Variants in TPD52 observed in about 807,000 individuals in gnomAD.
TPD52 encodes the protein prostate and colon associated protein.
A neutral mutation model predicts 31.3 loss-of-function variants in TPD52; 17 were observed. The ratio of observed to expected loss-of-function variants is 0.54; its 90% CI spans 0.37 to 0.82. The LOEUF (loss-of-function observed/expected upper bound fraction) is 0.82, where lower values mean the gene tolerates loss of function less well. Among genes scored for constraint, TPD52 ranks in the 40% least tolerant of loss-of-function variants. TPD52 has a pLI of 0.00. For missense variants in TPD52, 212 were observed against 240.1 expected, an observed-to-expected ratio of 0.88 and a Z score of 0.77; for synonymous variants, 83 against 89.6, an observed-to-expected ratio of 0.93 and a Z score of 0.42.
intron 1 of TPD52, among the ~76,000 whole-genome samples, chr8:80,083,725 G>C (rs955221879): frequency 2.0e-5 from 3 of 152,164 alleles, no homozygotes; most frequent in Non-Finnish European, 2.9e-5. Context: ...ATAGCAGTGT[G>C]AGAATGGACT....
In TPD52 at chr8:80,104,404, C is replaced by A. The variant is rs552820799; in HGVS notation, c.20-39811G>T. Among the ~76,000 whole-genome samples the A allele has an allele frequency of 2.7e-5, 4 of 150,392 alleles. No homozygotes were observed. In the East Asian group the frequency reaches 7.9e-4, roughly 30 times the overall value. On this transcript the variant is annotated intron_variant, in intron 1 of 7. Transcript: ENST00000518937. Reference sequence around the variant, plus strand: ...TACAAAGTGGAAGTTTTTACCTAAACAAAATTGTTCACCTACATACACACG... The same window carrying A: ...TACAAAGTGGAAGTTTTTACCTAAAAAAAATTGTTCACCTACATACACACG...
chr8:80,053,388 TTGC>T lies in TPD52; in HGVS notation c.175_177del (p.Ala59del). 1 of 1,613,762 alleles carries T rather than the reference TTGC, an allele frequency of 6.2e-7. No homozygotes were observed. The highest frequency in any genetic ancestry group is 8.5e-7 in the Non-Finnish European group (1 of 1,179,742). ...TTGATCTCTGCTAGATGCTTCTCTT[TTGC>T]TGCTAACACTTGAGACAGAGTCTGG... On this transcript the variant is annotated inframe_deletion, in exon 3 of 8. Transcript: ENST00000518937.
At chr8:80,091,678 ATACTGATGGGTGATTCCATGAT>A (rs113842489) in intron 1 of TPD52, among the ~76,000 whole-genome samples, 4,853 of 152,220 alleles carry the variant, frequency 0.032, 264 homozygotes, top group African/African-American at 0.11. Flanking sequence ...GTCACTCCAC[ATACTGATGGGTGATTCCATGAT>A]TACAGGCTCA....
intron 1 of TPD52, among the ~76,000 whole-genome samples, chr8:80,152,671 C>T (rs1390436726): frequency 1.3e-5 from 2 of 150,814 alleles, no homozygotes; most frequent in Non-Finnish European, 2.9e-5. Context: ...ATCCCAGCTA[C>T]TCGGGAGGCT....
At chr8:80,157,114 A>T (rs879711279) in intron 1 of TPD52, among the ~76,000 whole-genome samples, 1 of 152,214 alleles carries the variant, frequency 6.6e-6, no homozygotes, top group Non-Finnish European at 1.5e-5. Flanking sequence ...TGGTTGCCTC[A>T]TCAGACTTCA....
intron 1 of TPD52, among the ~76,000 whole-genome samples, chr8:80,087,201 A>G (rs1202302129): frequency 6.6e-6 from 1 of 152,136 alleles, no homozygotes; most frequent in Non-Finnish European, 1.5e-5. Context: ...GGCTTGTAAC[A>G]TAAGTAAGTG....
At position 80,156,952 on chromosome 8, in the gene TPD52, T is replaced by C. The variant is rs113075680; in HGVS notation, c.19+14473A>G. Reference sequence around the variant, plus strand: ...ACAATGGATTCCAGGCCTGCAGGAATGGGGGAATGGTAAAGGGAAGGCAAC... The same window carrying C: ...ACAATGGATTCCAGGCCTGCAGGAACGGGGGAATGGTAAAGGGAAGGCAAC... On this transcript the variant is annotated intron_variant, in intron 1 of 7. Coordinates refer to ENST00000518937, the MANE Select transcript of TPD52 (RefSeq NM_001025253.3). Among the ~76,000 whole-genome samples the C allele has an allele frequency of 9.9e-3, 1,504 of 151,716 alleles. 25 individuals carry two copies. The highest frequency in any genetic ancestry group is 0.034 in the African/African-American group (1,390 of 41,356).
chr8:80,141,975 T>C (rs1809861632), intron 1 of TPD52, among the ~76,000 whole-genome samples: 1 of 152,104 alleles, frequency 6.6e-6, no homozygotes, highest in Non-Finnish European at 1.5e-5. Flanking sequence ...GGATAATATG[T>C]AGCAATAGAT....
chr8:80,065,396 A>G (rs1481998495), intron 1 of TPD52, among the ~76,000 whole-genome samples: 1 of 151,988 alleles, frequency 6.6e-6, no homozygotes, highest in Non-Finnish European at 1.5e-5. Context: ...GACATTCTAC[A>G]CTACTGAAGA....
At chr8:80,160,909 A>AAAAAAAAAAAAAAC (rs1811314770) in intron 1 of TPD52, among the ~76,000 whole-genome samples, 1 of 149,814 alleles carries the variant, frequency 6.7e-6, no homozygotes, top group African/African-American at 2.5e-5. Context: ...AAAAAAAAAA[A>AAAAAAAAAAAAAAC]AAAATAGCCC....
At chr8:80,040,185 CTTTTT>C (rs34611433) in intron 7 of TPD52, among the ~76,000 whole-genome samples, 16 of 95,682 alleles carry the variant, frequency 1.7e-4, no homozygotes, top group African/African-American at 7.8e-4. Context: ...ATACGCTATC[CTTTTT>C]TTTTTTTTTT....
intron 1 of TPD52, among the ~76,000 whole-genome samples, chr8:80,137,429 T>A (rs76942769): frequency 5.3e-5 from 8 of 149,652 alleles, no homozygotes; most frequent in African/African-American, 2.0e-4. Flanking sequence ...ATTTTTTTTT[T>A]AATATCCAAG....
At chr8:80,150,576 G>A (rs761047899) in intron 1 of TPD52, among the ~76,000 whole-genome samples, 2 of 152,202 alleles carry the variant, frequency 1.3e-5, no homozygotes, top group Non-Finnish European at 2.9e-5. Context: ...AAGCCACAGG[G>A]GTGGAGCTGC....
intron 1 of TPD52, among the ~76,000 whole-genome samples, chr8:80,084,736 A>T (rs201924512): frequency 6.6e-6 from 1 of 152,328 alleles, no homozygotes; most frequent in East Asian, 1.9e-4. Context: ...CTTTAGCCAA[A>T]CTTGACTTTC....
intron 1 of TPD52, among the ~76,000 whole-genome samples, chr8:80,094,274 T>G (rs1177533514): frequency 1.3e-5 from 2 of 151,568 alleles, no homozygotes; most frequent in Non-Finnish European, 2.9e-5. Flanking sequence ...GTTAACAATG[T>G]GTATGATTTA....
At chr8:80,059,677 A>C (rs1002242535) in intron 2 of TPD52, among the ~76,000 whole-genome samples, 2 of 152,138 alleles carry the variant, frequency 1.3e-5, no homozygotes, top group Non-Finnish European at 2.9e-5. Context: ...AACACACTGA[A>C]ACCCCGTCTC....
chr8:80,106,681 A>AT (rs11450396), intron 1 of TPD52, among the ~76,000 whole-genome samples: 72,027 of 143,192 alleles, frequency 0.5, 18,025 homozygotes, highest in East Asian at 0.79. Context: ...TACTCGTTCT[A>AT]TTTTTTTTTT....
chr8:80,171,453 C>T lies in TPD52; in HGVS notation c.-10G>A. On this transcript the variant is annotated 5_prime_UTR_variant, in exon 1 of 8. Transcript: ENST00000518937. ...GCTCGCCGCGGTCCATGTCTCCAGC[C>T]CGCCGCCTCGTGTCCTCTGCAGCAC... The T allele has an allele frequency of 6.3e-7, 1 of 1,590,638 alleles. No homozygotes were observed. The highest frequency in any genetic ancestry group is 1.1e-5 in the South Asian group (1 of 90,146).
At chr8:80,131,631 A>G (rs1365188) in intron 1 of TPD52, among the ~76,000 whole-genome samples, 65,573 of 151,840 alleles carry the variant, frequency 0.43, 14,761 homozygotes, top group East Asian at 0.79. Flanking sequence ...CCTTCATTCC[A>G]TTCCAACATT....
Sources: gnomAD v4.1 joint callset for allele counts (sites outside exome capture counted in the v4.1 genomes callset) on GRCh38, gnomAD v4.1.1 for gene constraint, MANE v1.5 for transcripts, NCBI Gene and HGNC (gene_info 2026-07-23, HGNC 2026-07-21) for gene names.